The following RCAN1 variants were observed in gnomAD, a reference collection of about 807,000 sequenced individuals.
RCAN1 encodes regulator of calcineurin 1.
Under a neutral mutation model 22.9 loss-of-function variants are expected in RCAN1, and 11 were observed. The ratio of observed to expected loss-of-function variants is 0.48; its 90% confidence interval spans 0.30 to 0.79. The LOEUF is 0.79. RCAN1 is among the 30% of genes least tolerant of loss of function. RCAN1 has a pLI of 0.06. For missense variants in RCAN1, 291 were observed against 337.8 expected, an observed-to-expected ratio of 0.86 and a Z score of 1.09; for synonymous variants, 136 against 142.3, an observed-to-expected ratio of 0.96 and a Z score of 0.32.
intron 2 of RCAN1, chr21:34,522,675 T>C (rs1375932953): frequency 8.1e-6 from 1 of 122,970 alleles, no homozygotes; most frequent in African/African-American, 3.2e-5. Context: ...GGGAGGCCTT[T>C]GGACAGGGTC....
intron 1 of RCAN1, among the ~76,000 whole-genome samples, chr21:34,558,543 T>C (rs1265923213): frequency 6.6e-6 from 1 of 152,270 alleles, no homozygotes; most frequent in Non-Finnish European, 1.5e-5. Flanking sequence ...TAGACACTGA[T>C]TCCTCAAATG....
intron 1 of RCAN1, among the ~76,000 whole-genome samples, chr21:34,604,087 A>G (rs1367997993): frequency 6.6e-6 from 1 of 152,152 alleles, no homozygotes; most frequent in African/African-American, 2.4e-5. Context: ...TTGTGAGGCT[A>G]TTTTTGGCAA....
chr21:34,609,492 G>A (rs771448417), intron 1 of RCAN1, among the ~76,000 whole-genome samples: 12 of 152,270 alleles, frequency 7.9e-5, no homozygotes, highest in East Asian at 1.9e-4. Flanking sequence ...CAGGCCCTGC[G>A]GTGATATGTA....
chr21:34,543,424 T>A (rs2284579), intron 1 of RCAN1, among the ~76,000 whole-genome samples: 3 of 152,144 alleles, frequency 2.0e-5, no homozygotes, highest in Admixed American at 1.3e-4. Flanking sequence ...CTTTGGAACC[T>A]GGGAAAAGGC....
intron 1 of RCAN1, among the ~76,000 whole-genome samples, chr21:34,527,150 C>T (rs981322249): frequency 6.6e-6 from 1 of 152,158 alleles, no homozygotes; most frequent in East Asian, 1.9e-4. Context: ...TCAGACAACA[C>T]GCTCCTCGGC....
intron 1 of RCAN1, among the ~76,000 whole-genome samples, chr21:34,550,989 C>T (rs140276394): frequency 0.01 from 1,560 of 152,312 alleles, 86 homozygotes; most frequent in Admixed American, 0.09. Context: ...TTCACATATG[C>T]ACAACTCAAT....
intron 1 of RCAN1, among the ~76,000 whole-genome samples, chr21:34,593,063 A>G (rs1474311588): frequency 6.6e-6 from 1 of 152,230 alleles, no homozygotes; most frequent in Admixed American, 6.5e-5. Context: ...CTTTGCTCTG[A>G]CATGAGTTAA....
At chr21:34,533,616 C>T (rs969463626) in intron 1 of RCAN1, among the ~76,000 whole-genome samples, 1 of 152,192 alleles carries the variant, frequency 6.6e-6, no homozygotes, top group African/African-American at 2.4e-5. Context: ...AGACAAAACT[C>T]CCCGCCCTCT....
intron 1 of RCAN1, among the ~76,000 whole-genome samples, chr21:34,604,305 A>AT (rs1385553461): frequency 6.6e-6 from 1 of 151,762 alleles, no homozygotes; most frequent in Admixed American, 6.6e-5. Context: ...TAATTTTTGT[A>AT]TTTTTTAATA....
intron 1 of RCAN1, among the ~76,000 whole-genome samples, chr21:34,583,169 C>A (rs56178196): frequency 0.064 from 9,040 of 142,272 alleles, 409 homozygotes; most frequent in East Asian, 0.24. Flanking sequence ...ACACAGTTGG[C>A]GATAGGGCCT....
Position 34,523,592 on chromosome 21 carries a change from A to AGC in RCAN1, c.369_370dup (p.Leu124ArgfsTer14). The stretch of plus-strand genomic sequence containing the variant: ...CAGAAACTCAGTCTTATGCAGCTGG[A>AGC]GCCTGGCATCTGCTGCGGAGAAGGG... On this transcript the variant is annotated frameshift_variant, in exon 2 of 4. Coordinates refer to ENST00000313806, the MANE Select transcript of RCAN1 (RefSeq NM_004414.7). LOFTEE classifies it high-confidence loss of function. The AGC allele has an allele frequency of 6.2e-7, 1 of 1,614,162 alleles. No homozygotes were observed. The highest frequency in any genetic ancestry group is 8.5e-7 in the Non-Finnish European group (1 of 1,180,024).
intron 1 of RCAN1, among the ~76,000 whole-genome samples, chr21:34,595,389 A>G (rs1988112458): frequency 6.6e-6 from 1 of 152,236 alleles, no homozygotes. Flanking sequence ...TTCCTTGACC[A>G]TGAAAAATAC....
chr21:34,526,986 T>C (rs1985105759), intron 1 of RCAN1: 1 of 1,322,588 alleles, frequency 7.6e-7, no homozygotes, highest in Non-Finnish European at 9.6e-7. Context: ...AAGTTTCTAC[T>C]GGAAAGAGGT....
chr21:34,582,664 C>T (rs894990303), intron 1 of RCAN1, among the ~76,000 whole-genome samples: 1 of 152,078 alleles, frequency 6.6e-6, no homozygotes, highest in Non-Finnish European at 1.5e-5. Context: ...ATCTGGAGCC[C>T]GCGCTAAATG....
intron 1 of RCAN1, among the ~76,000 whole-genome samples, chr21:34,610,849 A>G (rs1473891221): frequency 6.6e-6 from 1 of 152,244 alleles, no homozygotes; most frequent in African/African-American, 2.4e-5. Flanking sequence ...ATATTTTGTT[A>G]TTAAAAGAAA....
intron 1 of RCAN1, among the ~76,000 whole-genome samples, chr21:34,558,315 G>A (rs1986659523): frequency 6.6e-6 from 1 of 152,202 alleles, no homozygotes; most frequent in Non-Finnish European, 1.5e-5. Flanking sequence ...GACAGTCAGA[G>A]ATGGAAAGGT....
rs191115895 is a variant in RCAN1, at chr21:34,517,623, A to G, written c.*461T>C. On this transcript the variant is annotated 3_prime_UTR_variant, in exon 4 of 4. Transcript: ENST00000313806. ...AGAAAGGAAACGCTACAATTTCCAC[A>G]TTGCATTGCTGCTGTTTTCACAACC... is the stretch of plus-strand genomic sequence containing the variant. 6.4e-6 allele frequency: 1 copy of G among 155,760 alleles called. No homozygotes were observed. The highest frequency in any genetic ancestry group is 2.4e-5 in the African/African-American group (1 of 41,656). The allele number at this position is 155,760 out of a possible 1,614,324, so 9.6% of individuals were successfully genotyped here.
At chr21:34,591,217 G>T (rs1162347817) in intron 1 of RCAN1, among the ~76,000 whole-genome samples, 1 of 152,132 alleles carries the variant, frequency 6.6e-6, no homozygotes, top group Non-Finnish European at 1.5e-5. Context: ...TGAAACCCCT[G>T]CCCACATGCT....
chr21:34,570,415 T>C (rs1740099436), intron 1 of RCAN1, among the ~76,000 whole-genome samples: 1 of 152,306 alleles, frequency 6.6e-6, no homozygotes, highest in Admixed American at 6.5e-5. Context: ...GTCTGGTAAA[T>C]ATGGAAAAAA....
Sources: gnomAD v4.1 joint callset for allele counts (sites outside exome capture counted in the v4.1 genomes callset) on GRCh38, gnomAD v4.1.1 for gene constraint, MANE v1.5 for transcripts, NCBI Gene and HGNC (gene_info 2026-07-23, HGNC 2026-07-21) for gene names.